AP3B1: variants seen among roughly 807,000 people sequenced by gnomAD.
AP3B1 encodes AP-3 complex subunit beta-1.
A neutral mutation model predicts 132.5 loss-of-function variants in AP3B1; 61 were observed. The ratio of observed to expected loss-of-function variants is 0.46; its 90% CI spans 0.37 to 0.57. The LOEUF is 0.57. Among genes scored for constraint, AP3B1 ranks in the 20% least tolerant of loss-of-function variants. The probability of loss-of-function intolerance (pLI) is 0.00; values close to 1 mark genes in which losing one functional copy is unlikely to be tolerated. For missense variants in AP3B1, 1,120 were observed against 1,289.4 expected, an observed-to-expected ratio of 0.87 and a Z score of 2.01; for synonymous variants, 388 against 438.3, an observed-to-expected ratio of 0.89 and a Z score of 1.43.
intron 2 of AP3B1, among the ~76,000 whole-genome samples, chr5:78,266,896 C>G (rs954474027): frequency 3.3e-5 from 5 of 151,620 alleles, no homozygotes; most frequent in Non-Finnish European, 7.4e-5. Flanking sequence ...AACTAGAACC[C>G]TGGAAAAATA....
intron 15 of AP3B1, among the ~76,000 whole-genome samples, chr5:78,133,810 A>C (rs753524724): frequency 6.6e-6 from 1 of 152,098 alleles, no homozygotes; most frequent in Non-Finnish European, 1.5e-5. Context: ...TCCTGCTTAG[A>C]TTTAAGGAAC....
chr5:78,166,539 G>A (rs1743637204), intron 11 of AP3B1, among the ~76,000 whole-genome samples: 1 of 151,972 alleles, frequency 6.6e-6, no homozygotes. Context: ...TATAAACAAT[G>A]TGTAATCTCC....
chr5:78,169,733 GTTTATTTATTTA>G (rs1554072569), intron 11 of AP3B1, among the ~76,000 whole-genome samples: 58 of 151,268 alleles, frequency 3.8e-4, no homozygotes, highest in African/African-American at 7.3e-4. Flanking sequence ...AAGCCCTGAA[GTTTATTTATTTA>G]TTTATTTATT....
At chr5:78,163,658 C>T (rs1238445848) in intron 12 of AP3B1, among the ~76,000 whole-genome samples, 1 of 147,144 alleles carries the variant, frequency 6.8e-6, no homozygotes, top group African/African-American at 2.5e-5. Context: ...TATATACACA[C>T]ACACACATAT....
At chr5:78,230,305 A>C (rs1385844625) in intron 3 of AP3B1, among the ~76,000 whole-genome samples, 1 of 152,224 alleles carries the variant, frequency 6.6e-6, no homozygotes, top group Non-Finnish European at 1.5e-5. Flanking sequence ...TATAATCCAA[A>C]CTATTTCTCA....
intron 11 of AP3B1, among the ~76,000 whole-genome samples, chr5:78,166,174 A>ATGTGGTAAGGC (rs1418299268): frequency 7.2e-6 from 1 of 139,292 alleles, no homozygotes; most frequent in Non-Finnish European, 1.6e-5. Flanking sequence ...CACACACACA[A>ATGTGGTAAGGC]ATCATATTGT....
chr5:78,016,591 C>A (rs1262392812), intron 25 of AP3B1, among the ~76,000 whole-genome samples: 1 of 152,020 alleles, frequency 6.6e-6, no homozygotes, highest in Admixed American at 6.6e-5. Flanking sequence ...TCTGCACCGT[C>A]TGGCATATAT....
chr5:78,048,704 C>T (rs1173961364), intron 22 of AP3B1, among the ~76,000 whole-genome samples: 1 of 152,134 alleles, frequency 6.6e-6, no homozygotes, highest in African/African-American at 2.4e-5. Context: ...TAACTTTGAG[C>T]TGGATGGTTC....
At chr5:78,194,674 A>G (rs1158796545) in intron 7 of AP3B1, among the ~76,000 whole-genome samples, 1 of 152,230 alleles carries the variant, frequency 6.6e-6, no homozygotes, top group Admixed American at 6.5e-5. Context: ...ATAAATAAAT[A>G]AATGAGGGAG....
chr5:78,188,787 C>A (rs754442330), intron 7 of AP3B1, among the ~76,000 whole-genome samples: 14 of 152,096 alleles, frequency 9.2e-5, no homozygotes, highest in Non-Finnish European at 1.0e-4. Flanking sequence ...CAAATGTTCA[C>A]TGCAGCACTA....
intron 17 of AP3B1, 86 bp from the exon 18 acceptor site, chr5:78,116,320 G>C: frequency 5.7e-6 from 7 of 1,226,222 alleles, no homozygotes; most frequent in Non-Finnish European, 8.3e-6. Context: ...CAACATAACT[G>C]AATTCAAAAG....
At chr5:78,038,174 C>T (rs1747882865) in intron 23 of AP3B1, among the ~76,000 whole-genome samples, 2 of 152,286 alleles carry the variant, frequency 1.3e-5, no homozygotes, top group Middle Eastern at 6.8e-3. Context: ...CCATATTTTA[C>T]GCTCTGCTCC....
At chr5:78,051,252 G>A (rs555010501) in intron 22 of AP3B1, among the ~76,000 whole-genome samples, 2 of 152,244 alleles carry the variant, frequency 1.3e-5, no homozygotes, top group South Asian at 2.1e-4. Context: ...CAATTTTAGA[G>A]AGGAGAAAAG....
At position 78,010,101 on chromosome 5, in the gene AP3B1, T is replaced by C. The variant is rs373615568; in HGVS notation, c.3131+5309A>G. Among the ~76,000 whole-genome samples the C allele has an allele frequency of 3.0e-4, 46 of 152,372 alleles. 4 individuals are homozygous for C. Among genetic ancestry groups the C allele is most frequent in the East Asian group, 2.3e-3 (12 of 5,192 alleles). ...ACAGTTATGGTCTAAGACTGTTTTA[T>C]AGACACTGCTCTAATGTACTCCCGT... is the stretch of plus-strand genomic sequence containing the variant. On this transcript the variant is annotated intron_variant, in intron 26 of 26. Coordinates refer to ENST00000255194, the MANE Select transcript of AP3B1 (RefSeq NM_003664.5).
intron 22 of AP3B1, among the ~76,000 whole-genome samples, chr5:78,056,631 T>C (rs1266676067): frequency 6.6e-6 from 1 of 152,186 alleles, no homozygotes; most frequent in Non-Finnish European, 1.5e-5. Flanking sequence ...CCTCTGTTAG[T>C]TGTGGGTGAA....
chr5:78,183,143 G>T (rs922782208), intron 7 of AP3B1, among the ~76,000 whole-genome samples: 1 of 152,198 alleles, frequency 6.6e-6, no homozygotes, highest in African/African-American at 2.4e-5. Flanking sequence ...GAGAAAGACG[G>T]TTGGGGAGCC....
At chr5:78,163,707 A>G (rs1215084002) in intron 12 of AP3B1, among the ~76,000 whole-genome samples, 1 of 150,616 alleles carries the variant, frequency 6.6e-6, no homozygotes, top group African/African-American at 2.4e-5. Flanking sequence ...AAAGAAATAA[A>G]TCACTGATTT....
rs1388073180 is a variant in AP3B1 at position 78,172,749 on chromosome 5, T to C, written c.1167+2877A>G. On this transcript the variant is annotated intron_variant, in intron 11 of 26. Coordinates refer to ENST00000255194, the MANE Select transcript of AP3B1 (RefSeq NM_003664.5). ...GGGTATTTCGTTTTTGAAGGGTATTTCGTTATTATTGAAGGGTATTTCGTT... is the reference window on the plus strand; with the variant it reads ...GGGTATTTCGTTTTTGAAGGGTATTCCGTTATTATTGAAGGGTATTTCGTT... Among the ~76,000 whole-genome samples, 3 of 152,172 alleles carry C rather than the reference T, an allele frequency of 2.0e-5. No homozygotes were observed. In the East Asian group the frequency reaches 5.8e-4, roughly 29 times the overall value.
In AP3B1 at chr5:78,165,643, T is replaced by G; in HGVS notation, c.1197A>C (p.Glu399Asp). The G allele has an allele frequency of 2.5e-6, 4 of 1,609,516 alleles. No individual in the cohort carries two copies. The highest frequency in any genetic ancestry group is 3.4e-6 in the Non-Finnish European group (4 of 1,176,932). The change falls in exon 12 of 27, where the codon GAA becomes GAC. Residue 399 changes from glutamate to aspartate, a missense_variant. Glu to Asp is a conservative substitution (Grantham distance 45). Around this residue, in one of 3 missense-constraint regions of AP3B1, gnomAD observed 906 missense variants for 997.1 expected, o/e 0.91. Transcript: ENST00000255194. ...KLEILTNLAN[E>D]ANISTLLREF... ...CTCGAAGAAGAGTTGATATGTTGGCTTCATTTGCCAAGTTTGTCAAAATTT... is the reference window on the plus strand; with the variant it reads ...CTCGAAGAAGAGTTGATATGTTGGCGTCATTTGCCAAGTTTGTCAAAATTT...
Sources: gnomAD v4.1 joint callset for allele counts (sites outside exome capture counted in the v4.1 genomes callset) on GRCh38, gnomAD v4.1.1 for gene constraint, gnomAD v4.1.1 regional missense constraint, MANE v1.5 for transcripts, NCBI Gene and HGNC (gene_info 2026-07-23, HGNC 2026-07-21) for gene names.